Variants in SDCBP observed in about 807,000 individuals in gnomAD.
SDCBP encodes syntenin-1.
A neutral mutation model predicts 30.5 loss-of-function variants in SDCBP; 22 were observed. The observed-to-expected ratio is 0.72, with a 90% CI of 0.52 to 1.03. SDCBP has a LOEUF of 1.03. Ranked by LOEUF, SDCBP falls within the 50% of genes least tolerant of loss-of-function variation. The probability of loss-of-function intolerance (pLI) is 0.00; values close to 1 mark genes in which losing one functional copy is unlikely to be tolerated. For synonymous variants in SDCBP, 103 were observed against 118.7 expected, an observed-to-expected ratio of 0.87 and a Z score of 0.86; for missense variants, 304 against 369.9, an observed-to-expected ratio of 0.82 and a Z score of 1.46.
chr8:58,567,604 A>G (rs533100222), intron 2 of SDCBP, among the ~76,000 whole-genome samples: 31 of 152,338 alleles, frequency 2.0e-4, no homozygotes, highest in African/African-American at 7.2e-4. Flanking sequence ...TGACGTGTAT[A>G]TAGTCATGTG....
intron 1 of SDCBP, among the ~76,000 whole-genome samples, chr8:58,555,648 A>G (rs1187642806): frequency 6.6e-6 from 1 of 152,160 alleles, no homozygotes; most frequent in Admixed American, 6.6e-5. Context: ...TTGCTCTGGA[A>G]GACTGCTTAG....
chr8:58,572,563 TAGTC>T (rs1448533641), intron 4 of SDCBP, among the ~76,000 whole-genome samples: 1 of 152,178 alleles, frequency 6.6e-6, no homozygotes, highest in Non-Finnish European at 1.5e-5. Context: ...CTTCTGCATT[TAGTC>T]AGTTACTAAG....
At chr8:58,569,587 C>G (rs993386429) in intron 2 of SDCBP, among the ~76,000 whole-genome samples, 4 of 152,050 alleles carry the variant, frequency 2.6e-5, no homozygotes, top group African/African-American at 9.7e-5. Flanking sequence ...AGATTGGCTT[C>G]TTTCACTTAG....
At chr8:58,566,337 C>CT (rs1804708117) in intron 2 of SDCBP, among the ~76,000 whole-genome samples, 1 of 152,148 alleles carries the variant, frequency 6.6e-6, no homozygotes, top group Admixed American at 6.5e-5. Flanking sequence ...TGTTTTCATC[C>CT]TTTTTTTGTT....
intron 2 of SDCBP, among the ~76,000 whole-genome samples, chr8:58,568,720 C>T (rs1585693513): frequency 1.3e-5 from 2 of 152,134 alleles, no homozygotes; most frequent in South Asian, 2.1e-4. Flanking sequence ...TTTATAATCT[C>T]ATGGGACCAC....
intron 2 of SDCBP, among the ~76,000 whole-genome samples, chr8:58,569,006 A>G (rs1804866143): frequency 1.3e-5 from 2 of 152,100 alleles, no homozygotes; most frequent in South Asian, 4.1e-4. Flanking sequence ...AGCTGGGACT[A>G]CAGGCATGCA....
chr8:58,579,400 G>A (rs559949559), intron 6 of SDCBP, among the ~76,000 whole-genome samples: 1 of 152,144 alleles, frequency 6.6e-6, no homozygotes, highest in East Asian at 1.9e-4. Context: ...CTTAAAGAAG[G>A]AAATGTTGAT....
intron 5 of SDCBP, among the ~76,000 whole-genome samples, chr8:58,576,628 A>G (rs1055115048): frequency 2.0e-5 from 3 of 152,238 alleles, no homozygotes; most frequent in African/African-American, 7.2e-5. Flanking sequence ...GTAAAAAAAG[A>G]TGGAATATTC....
chr8:58,557,232 A>C (rs1313932439), intron 1 of SDCBP, among the ~76,000 whole-genome samples: 1 of 128,348 alleles, frequency 7.8e-6, no homozygotes, highest in Non-Finnish European at 1.5e-5. Context: ...TTCCAGGAAA[A>C]TGATATTAAT....
intron 8 of SDCBP, 56 bp downstream of exon 8, chr8:58,580,664 C>A: frequency 1.1e-6 from 1 of 914,860 alleles, no homozygotes; most frequent in Non-Finnish European, 1.8e-6. Context: ...AATATAAGCA[C>A]TATACTTTAA....
intron 1 of SDCBP, among the ~76,000 whole-genome samples, chr8:58,557,645 A>G (rs901318494): frequency 7.9e-5 from 12 of 151,866 alleles, no homozygotes; most frequent in African/African-American, 2.9e-4. Context: ...TTCATAATGC[A>G]TGAAGTGAGT....
At chr8:58,574,555 C>T (rs192666231) in intron 4 of SDCBP, among the ~76,000 whole-genome samples, 29 of 152,144 alleles carry the variant, frequency 1.9e-4, no homozygotes, top group Admixed American at 3.3e-4. Context: ...TTCTTCAGTG[C>T]GCCGCCTTTT....
At chr8:58,569,953 A>G (rs541664569) in intron 2 of SDCBP, among the ~76,000 whole-genome samples, 27 of 152,292 alleles carry the variant, frequency 1.8e-4, no homozygotes, top group Non-Finnish European at 2.6e-4. Context: ...CTAAGCTTTC[A>G]TATCTCCAAG....
At chr8:58,555,564 GC>G (rs949025159) in intron 1 of SDCBP, among the ~76,000 whole-genome samples, 4 of 152,090 alleles carry the variant, frequency 2.6e-5, no homozygotes, top group Non-Finnish European at 5.9e-5. Flanking sequence ...ATCTGTGTCT[GC>G]CCAGGAAGCT....
At chr8:58,580,394 A>C (rs1805625568) in intron 7 of SDCBP, 123 bp from the exon 8 acceptor site, 2 of 599,722 alleles carry the variant, frequency 3.3e-6, no homozygotes, top group Non-Finnish European at 5.9e-6. Context: ...TTGGTAAGAA[A>C]TACTAGAAAA....
At chr8:58,576,554 A>T (rs1805337174) in intron 5 of SDCBP, among the ~76,000 whole-genome samples, 1 of 152,088 alleles carries the variant, frequency 6.6e-6, no homozygotes, top group African/African-American at 2.4e-5. Flanking sequence ...TTAACTGGTG[A>T]GATGGTTTTT....
chr8:58,575,680 A>T (rs1805272851), intron 4 of SDCBP, among the ~76,000 whole-genome samples: 1 of 152,184 alleles, frequency 6.6e-6, no homozygotes, highest in Non-Finnish European at 1.5e-5. Context: ...GGCAACAGAG[A>T]GTCATTGAAT....
Position 58,581,774 on chromosome 8 carries a change from C to T in SDCBP, c.*34C>T, listed in dbSNP as rs753770369. 1 of 1,586,126 alleles carries T rather than the reference C, an allele frequency of 6.3e-7. No individual in the cohort carries two copies. Among genetic ancestry groups the T allele is most frequent in the Non-Finnish European group, 8.6e-7 (1 of 1,156,284 alleles). Reference sequence around the variant, plus strand: ...GCACCATGGAAATGTAGCTGAACGTCTCCAGTTTCCTTCTTTGGCAACTTC... The same window carrying T: ...GCACCATGGAAATGTAGCTGAACGTTTCCAGTTTCCTTCTTTGGCAACTTC... On this transcript the variant is annotated 3_prime_UTR_variant, in exon 9 of 9. Transcript: ENST00000260130.
At chr8:58,570,342 T>C (rs1343156033) in intron 2 of SDCBP, among the ~76,000 whole-genome samples, 3 of 152,214 alleles carry the variant, frequency 2.0e-5, no homozygotes, top group African/African-American at 7.2e-5. Context: ...AGTGATAAAC[T>C]GTGCTATTTT....
Sources: gnomAD v4.1 joint callset for allele counts (sites outside exome capture counted in the v4.1 genomes callset) on GRCh38, gnomAD v4.1.1 for gene constraint, MANE v1.5 for transcripts, NCBI Gene and HGNC (gene_info 2026-07-23, HGNC 2026-07-21) for gene names.